CMSS1: variants seen among roughly 807,000 people sequenced by gnomAD.
CMSS1 encodes protein CMSS1.
In CMSS1, 33 loss-of-function variants were observed where a neutral mutation model predicts 43.5. The observed-to-expected ratio is 0.76, with a 90% confidence interval of 0.57 to 1.01. CMSS1 has a LOEUF of 1.01. Among genes scored for constraint, CMSS1 ranks in the 50% least tolerant of loss-of-function variants. The pLI is 0.00. For missense variants in CMSS1, 313 were observed against 326.4 expected, an observed-to-expected ratio of 0.96 and a Z score of 0.32; for synonymous variants, 115 against 117.2, an observed-to-expected ratio of 0.98 and a Z score of 0.12.
intron 1 of CMSS1, among the ~76,000 whole-genome samples, chr3:99,834,978 G>A (rs1576495282): frequency 6.6e-6 from 1 of 152,266 alleles, no homozygotes; most frequent in East Asian, 1.9e-4. Flanking sequence ...AAAGTTTCGG[G>A]TGTTAGGTGT....
intron 6 of CMSS1, 25 bp from the exon 7 acceptor site, chr3:100,171,814 G>A: frequency 6.2e-7 from 1 of 1,608,978 alleles, no homozygotes; most frequent in Non-Finnish European, 8.5e-7. Flanking sequence ...GTTTTCTTAA[G>A]CATTCACCTG....
intron 1 of CMSS1, among the ~76,000 whole-genome samples, chr3:99,820,139 G>A (rs1942406215): frequency 6.6e-6 from 1 of 151,966 alleles, no homozygotes; most frequent in South Asian, 2.1e-4. Context: ...CATGAAGACA[G>A]TGTGTTGGAG....
chr3:99,916,437 TACACACACACACACAC>T (rs10529210), intron 1 of CMSS1, among the ~76,000 whole-genome samples: 85 of 137,174 alleles, frequency 6.2e-4, no homozygotes, highest in African/African-American at 1.7e-3. Context: ...TAACGGTTTA[TACACACACACACACAC>T]ACACACACAC....
intron 4 of CMSS1, among the ~76,000 whole-genome samples, chr3:100,165,445 C>A (rs905740213): frequency 7.2e-5 from 11 of 151,738 alleles, no homozygotes; most frequent in African/African-American, 2.4e-4. Flanking sequence ...TATATATATT[C>A]TTATAAAATA....
intron 1 of CMSS1, among the ~76,000 whole-genome samples, chr3:100,031,880 C>T (rs1239144943): frequency 2.6e-5 from 4 of 152,170 alleles, no homozygotes; most frequent in African/African-American, 9.7e-5. Flanking sequence ...TAAACTAGGT[C>T]AAAATCAGCC....
chr3:99,854,520 T>C (rs1943859504), intron 1 of CMSS1, among the ~76,000 whole-genome samples: 3 of 152,198 alleles, frequency 2.0e-5, no homozygotes, highest in Admixed American at 1.3e-4. Context: ...TATGTGCCTT[T>C]ATACAGGGAT....
intron 1 of CMSS1, among the ~76,000 whole-genome samples, chr3:99,886,670 G>A (rs182612223): frequency 1.5e-3 from 233 of 152,188 alleles, no homozygotes; most frequent in African/African-American, 5.3e-3. Context: ...ATATCAGTTA[G>A]GTGGCCAGCG....
intron 1 of CMSS1, among the ~76,000 whole-genome samples, chr3:99,938,918 G>A (rs1300843297): frequency 1.3e-5 from 2 of 152,052 alleles, no homozygotes; most frequent in African/African-American, 4.8e-5. Flanking sequence ...CTATCTGATG[G>A]CTAAAAAAAG....
At chr3:100,002,968 G>A (rs748412534) in intron 1 of CMSS1, among the ~76,000 whole-genome samples, 2 of 152,150 alleles carry the variant, frequency 1.3e-5, no homozygotes, top group African/African-American at 2.4e-5. Flanking sequence ...CAGAGTCCAG[G>A]CGACAAGATT....
intron 1 of CMSS1, among the ~76,000 whole-genome samples, chr3:99,996,039 C>T (rs576320735): frequency 2.6e-5 from 4 of 152,214 alleles, no homozygotes; most frequent in Admixed American, 6.5e-5. Flanking sequence ...GCTTGAATTC[C>T]GCCTCAGAAA....
chr3:99,892,745 T>G (rs1411578801), intron 1 of CMSS1, among the ~76,000 whole-genome samples: 1 of 152,194 alleles, frequency 6.6e-6, no homozygotes, highest in Non-Finnish European at 1.5e-5. Flanking sequence ...CTCAAAGGCT[T>G]GCCCTTATGC....
intron 1 of CMSS1, among the ~76,000 whole-genome samples, chr3:100,095,801 CAG>C (rs985350089): frequency 3.3e-5 from 5 of 151,958 alleles, no homozygotes; most frequent in African/African-American, 1.2e-4. Context: ...AGCTTCTGCC[CAG>C]CAAAGGAAAC....
intron 1 of CMSS1, among the ~76,000 whole-genome samples, chr3:100,032,302 C>T (rs2065034944): frequency 6.6e-6 from 1 of 152,110 alleles, no homozygotes; most frequent in South Asian, 2.1e-4. Context: ...AGGTCAAATT[C>T]CAGATTGGTT....
rs201315535 is a variant in CMSS1, at chr3:100,139,529, A to ATGTGTG, written c.65-7412_65-7407dup. On this transcript the variant is annotated intron_variant, in intron 1 of 9. Coordinates refer to ENST00000421999, the MANE Select transcript of CMSS1 (RefSeq NM_032359.4). ...AAACCCTGTATCTACTAAAAAAAAA[A>ATGTGTG]TGTGTGTGTGTGTGTGTGTGTGTGT... 7.9e-3 allele frequency among the ~76,000 whole-genome samples: 1,020 copies of ATGTGTG among 129,342 alleles called. 19 individuals are homozygous for ATGTGTG. The highest frequency in any genetic ancestry group is 0.027 in the African/African-American group (887 of 33,418). The allele number at this position is 129,342 out of a possible 152,430, so 84.9% of individuals were successfully genotyped here.
chr3:100,172,002 C>T, intron 7 of CMSS1, 103 bp downstream of exon 7: 1 of 878,874 alleles, frequency 1.1e-6, no homozygotes, highest in Non-Finnish European at 1.8e-6. Flanking sequence ...TTATTGAGTT[C>T]CTTCCTTATG....
chr3:99,912,949 C>T, intron 1 of CMSS1, among the ~76,000 whole-genome samples: 1 of 152,158 alleles, frequency 6.6e-6, no homozygotes, highest in Admixed American at 6.5e-5. Context: ...GAAATCATAA[C>T]TCCCAATGTG....
At chr3:99,938,070 TGTGTGCGC>T (rs997054855) in intron 1 of CMSS1, among the ~76,000 whole-genome samples, 15 of 96,940 alleles carry the variant, frequency 1.5e-4, no homozygotes, top group African/African-American at 5.6e-4. Flanking sequence ...TGTGTGTGTG[TGTGTGCGC>T]GCGCGCGCGC....
Position 99,882,304 on chromosome 3 carries a change from T to C in CMSS1, c.64+64261T>C, listed in dbSNP as rs149570625. Among the ~76,000 whole-genome samples the C allele has an allele frequency of 4.1e-4, 62 of 152,320 alleles. No individual in the cohort carries two copies. In the East Asian group the frequency reaches 9.9e-3, roughly 24 times the overall value. On this transcript the variant is annotated intron_variant, in intron 1 of 9. Transcript: ENST00000421999. ...TTAATTGCTTGATATGAAGGTGGCTTCTAATTGTAAAATCCTTTCCTTTTG... is the reference window on the plus strand; with the variant it reads ...TTAATTGCTTGATATGAAGGTGGCTCCTAATTGTAAAATCCTTTCCTTTTG...
At chr3:99,848,144 T>C in intron 1 of CMSS1, 2 of 1,510,772 alleles carry the variant, frequency 1.3e-6, no homozygotes, top group African/African-American at 1.4e-5. Context: ...TCAGATACTC[T>C]TGTATAGTTC....
Sources: gnomAD v4.1 joint callset for allele counts (sites outside exome capture counted in the v4.1 genomes callset) on GRCh38, gnomAD v4.1.1 for gene constraint, MANE v1.5 for transcripts, NCBI Gene and HGNC (gene_info 2026-07-23, HGNC 2026-07-21) for gene names.